UGGT2: variants seen among roughly 807,000 people sequenced by gnomAD.
UGGT2 encodes UDP-glucose glycoprotein glucosyltransferase 2.
UGGT2 carries 180 observed loss-of-function variants against 192.1 expected under a neutral mutation model. The ratio of observed to expected loss-of-function variants is 0.94; its 90% CI spans 0.83 to 1.06. The LOEUF (loss-of-function observed/expected upper bound fraction) is 1.06. Ranked by LOEUF, UGGT2 falls within the 50% of genes least tolerant of loss-of-function variation. The probability of loss-of-function intolerance (pLI) is 0.00; values close to 1 mark genes in which losing one functional copy is unlikely to be tolerated. For missense variants in UGGT2, 1,849 were observed against 1,795.7 expected (o/e 1.03, Z -0.54); for synonymous variants, 580 against 591.0 (o/e 0.98, Z 0.27).
At chr13:95,872,328 C>A (rs1235021646) in intron 29 of UGGT2, among the ~76,000 whole-genome samples, 1 of 152,178 alleles carries the variant, frequency 6.6e-6, no homozygotes, top group Non-Finnish European at 1.5e-5. Context: ...CATTATGCCT[C>A]AGAAGTGGAA....
At chr13:95,814,759 T>C (rs1472508619) in intron 38 of UGGT2, among the ~76,000 whole-genome samples, 1 of 152,172 alleles carries the variant, frequency 6.6e-6, no homozygotes, top group Admixed American at 6.5e-5. Context: ...ACTTTGACAT[T>C]AACACCAGAT....
At chr13:96,044,989 C>T (rs183822883) in intron 1 of UGGT2, among the ~76,000 whole-genome samples, 1 of 152,180 alleles carries the variant, frequency 6.6e-6, no homozygotes, top group East Asian at 1.9e-4. Flanking sequence ...TGAAATCATT[C>T]TATGAAGCCA....
chr13:95,801,641 GT>G lies in UGGT2; in HGVS notation c.*148del. 1 of 705,946 alleles carries G rather than the reference GT, an allele frequency of 1.4e-6. No individual in the cohort carries two copies. Among genetic ancestry groups the G allele is most frequent in the Non-Finnish European group, 2.3e-6 (1 of 441,442 alleles). 43.7% of individuals were successfully genotyped at this position (705,946 alleles called of 1,614,324 possible). On this transcript the variant is annotated 3_prime_UTR_variant, in exon 39 of 39. Coordinates refer to ENST00000376747, the MANE Select transcript of UGGT2 (RefSeq NM_020121.4). ...AACTCATTCAATACATTAAATAACTGTTTTAAATAATTACAATTTTTTAAAA... is the reference window on the plus strand; with the variant it reads ...AACTCATTCAATACATTAAATAACTGTTTAAATAATTACAATTTTTTAAAA...
intron 9 of UGGT2, among the ~76,000 whole-genome samples, chr13:95,985,746 C>T (rs540143508): frequency 2.6e-5 from 4 of 152,166 alleles, no homozygotes; most frequent in Admixed American, 6.5e-5. Context: ...TACGTGGTAA[C>T]TTGCATTGCA....
At chr13:96,028,573 T>C (rs2052734918) in intron 2 of UGGT2, among the ~76,000 whole-genome samples, 1 of 152,216 alleles carries the variant, frequency 6.6e-6, no homozygotes, top group Non-Finnish European at 1.5e-5. Context: ...GGCAGAACCA[T>C]ATAAATTTTT....
At chr13:95,878,830 T>C (rs2047414121) in intron 27 of UGGT2, among the ~76,000 whole-genome samples, 1 of 152,234 alleles carries the variant, frequency 6.6e-6, no homozygotes, top group South Asian at 2.1e-4. Flanking sequence ...AACATTTGTT[T>C]ACAGCATTTC....
At chr13:95,921,408 T>G (rs1392605358) in intron 20 of UGGT2, among the ~76,000 whole-genome samples, 2 of 150,972 alleles carry the variant, frequency 1.3e-5, no homozygotes, top group African/African-American at 4.9e-5. Context: ...GTTTTCCAGA[T>G]AGTGGATAGG....
intron 36 of UGGT2, among the ~76,000 whole-genome samples, chr13:95,839,538 A>G (rs1048238866): frequency 2.6e-5 from 4 of 152,154 alleles, no homozygotes; most frequent in African/African-American, 9.7e-5. Flanking sequence ...TTCATTTGTC[A>G]ACTGATGGGC....
intron 30 of UGGT2, 48 bp from the exon 31 acceptor site, chr13:95,863,762 G>T (rs1400995516): frequency 1.4e-6 from 2 of 1,426,430 alleles, no homozygotes. Flanking sequence ...TTTAAATATT[G>T]TGCTGTATGG....
chr13:95,936,650 C>T (rs113115845), intron 17 of UGGT2, among the ~76,000 whole-genome samples: 2,573 of 152,274 alleles, frequency 0.017, 73 homozygotes, highest in African/African-American at 0.059. Context: ...GCAGAGGGAG[C>T]GGGGTAGCCT....
Position 95,970,222 on chromosome 13 carries a change from C to T in UGGT2, c.1225G>A (p.Gly409Ser). The T allele has an allele frequency of 6.2e-6, 10 of 1,613,038 alleles. No homozygotes were observed. Among genetic ancestry groups the T allele is most frequent in the Non-Finnish European group, 8.5e-6 (10 of 1,179,338 alleles). Residue 409 changes from glycine to serine, a missense_variant, in exon 12 of 39, where the codon GGC becomes AGC. Transcript: ENST00000376747. ...MLKLEGKMMN[G>S]LRNLGINGED... Reference sequence around the variant, plus strand: ...CCATTGATCCCAAGATTGCGAAGGCCATTCATCATTTTTCCTTCTAATTTC... The same window carrying T: ...CCATTGATCCCAAGATTGCGAAGGCTATTCATCATTTTTCCTTCTAATTTC...
At chr13:95,860,167 T>G (rs1182950808) in intron 32 of UGGT2, among the ~76,000 whole-genome samples, 1 of 151,968 alleles carries the variant, frequency 6.6e-6, no homozygotes, top group Non-Finnish European at 1.5e-5. Context: ...TATTTTTGAG[T>G]TATTCTCTGT....
chr13:96,013,454 A>G lies in UGGT2; in HGVS notation c.513T>C (p.Asp171=). The change falls in exon 5 of 39, where the codon GAT becomes GAC. Residue 171 remains aspartate (D), a synonymous_variant. Transcript: ENST00000376747. ...TCTCTTTGTTTGTAGGAAATTTGTG[A>G]TCTCCTTTAAATAGATAAGGTCTAG... is the stretch of plus-strand genomic sequence containing the variant. The part of the protein sequence containing the change: ...SRTRPYLFKG[D]HKFPTNKENL... 6.3e-7 allele frequency: 1 copy of G among 1,598,712 alleles called. No individual in the cohort carries two copies. The highest frequency in any genetic ancestry group is 8.5e-7 in the Non-Finnish European group (1 of 1,175,294).
chr13:96,005,497 C>G (rs2051944666), intron 5 of UGGT2, among the ~76,000 whole-genome samples: 1 of 152,262 alleles, frequency 6.6e-6, no homozygotes, highest in Non-Finnish European at 1.5e-5. Flanking sequence ...TCAGACCTAT[C>G]TCCCCTATAG....
At chr13:96,024,740 G>A (rs781134739) in intron 2 of UGGT2, among the ~76,000 whole-genome samples, 7 of 152,292 alleles carry the variant, frequency 4.6e-5, no homozygotes, top group South Asian at 2.1e-4. Context: ...AAAGAACAGA[G>A]TTGAGGTAGA....
At chr13:95,957,611 T>C (rs1246138970) in intron 12 of UGGT2, among the ~76,000 whole-genome samples, 1 of 152,184 alleles carries the variant, frequency 6.6e-6, no homozygotes, top group South Asian at 2.1e-4. Context: ...GTGGGGACAA[T>C]GGGAGCAGCA....
intron 11 of UGGT2, 32 bp downstream of exon 11, chr13:95,972,546 CAT>C (rs1459320696): frequency 6.7e-7 from 1 of 1,485,288 alleles, no homozygotes; most frequent in Non-Finnish European, 9.3e-7. Flanking sequence ...TTATATAAAC[CAT>C]AGTTCATTTA....
chr13:96,015,987 G>A (rs976960265), intron 4 of UGGT2, among the ~76,000 whole-genome samples: 8 of 152,170 alleles, frequency 5.3e-5, no homozygotes, highest in Non-Finnish European at 8.8e-5. Context: ...TTATGCCTTA[G>A]CAAATAACTT....
chr13:95,853,428 A>G (rs1344224700), intron 36 of UGGT2, 115 bp downstream of exon 36: 1 of 668,936 alleles, frequency 1.5e-6, no homozygotes, highest in East Asian at 3.2e-5. Context: ...ATAATTACAT[A>G]AACAGCAGTA....
Sources: gnomAD v4.1 joint callset for allele counts (sites outside exome capture counted in the v4.1 genomes callset) on GRCh38, gnomAD v4.1.1 for gene constraint, MANE v1.5 for transcripts, NCBI Gene and HGNC (gene_info 2026-07-23, HGNC 2026-07-21) for gene names.